The following CUL1 variants were observed in gnomAD, a reference collection of about 807,000 sequenced individuals.
The protein encoded by CUL1 is cullin-1.
Under a neutral mutation model 118.0 loss-of-function variants are expected in CUL1, and 24 were observed. That is an observed-to-expected ratio of 0.20 (90% CI 0.15 to 0.29). The LOEUF (loss-of-function observed/expected upper bound fraction) is 0.29. CUL1 is among the 10% of genes least tolerant of loss of function. CUL1 has a pLI of 1.00. For synonymous variants in CUL1, 332 were observed against 340.4 expected (o/e 0.98, Z 0.27); for missense variants, 361 against 933.8 (o/e 0.39, Z 7.99).
At chr7:148,754,558 G>A (rs1214667957) in intron 3 of CUL1, among the ~76,000 whole-genome samples, 1 of 152,076 alleles carries the variant, frequency 6.6e-6, no homozygotes, top group African/African-American at 2.4e-5. Flanking sequence ...TTTTGGATTT[G>A]GTTGTTAGAA....
intron 2 of CUL1, among the ~76,000 whole-genome samples, chr7:148,730,959 G>A (rs1798744135): frequency 2.0e-5 from 3 of 152,050 alleles, no homozygotes; most frequent in African/African-American, 4.8e-5. Flanking sequence ...CCACAGACAC[G>A]TGCCACCACA....
At position 148,800,726 on chromosome 7, in the gene CUL1, C is replaced by G; in HGVS notation, c.*144C>G. ...GAGACCAAGACTCCCATCAGCTGGT[C>G]TCGGATTTACATCGGAACTGCTCAG... On this transcript the variant is annotated 3_prime_UTR_variant, in exon 22 of 22. Coordinates refer to ENST00000325222, the MANE Select transcript of CUL1 (RefSeq NM_003592.3). This position sits in a 1 kb window ranked among gnomAD's most constrained non-coding sequence, Gnocchi z 4.6. 1 of 634,434 alleles carries G rather than the reference C, an allele frequency of 1.6e-6. No individual in the cohort carries two copies. The highest frequency in any genetic ancestry group is 2.8e-6 in the Non-Finnish European group (1 of 357,218). 39.3% of individuals were successfully genotyped at this position (634,434 alleles called of 1,614,324 possible).
At chr7:148,784,108 G>T in intron 11 of CUL1, 31 bp downstream of exon 11, 1 of 1,529,694 alleles carries the variant, frequency 6.5e-7, no homozygotes, top group Non-Finnish European at 9.1e-7. Flanking sequence ...TTCTTAGTAT[G>T]CCTGTTTAAA....
chr7:148,759,243 T>G, intron 4 of CUL1, 61 bp from the exon 5 acceptor site: 1 of 1,476,178 alleles, frequency 6.8e-7, no homozygotes, highest in Non-Finnish European at 9.4e-7. Flanking sequence ...TTATTTCCTA[T>G]GACTTCAATC....
chr7:148,747,006 G>C (rs966855228), intron 2 of CUL1, among the ~76,000 whole-genome samples: 5 of 152,192 alleles, frequency 3.3e-5, no homozygotes, highest in African/African-American at 1.2e-4. Flanking sequence ...GTGATAGTTT[G>C]CTAGCTAAGT....
chr7:148,711,423 C>T (rs970254250), intron 1 of CUL1, among the ~76,000 whole-genome samples: 1 of 152,180 alleles, frequency 6.6e-6, no homozygotes, highest in African/African-American at 2.4e-5. Flanking sequence ...CCACGGGGGA[C>T]ATGTGTCAGG....
At chr7:148,760,263 C>T (rs1372161406) in intron 6 of CUL1, 70 bp from the exon 7 acceptor site, 4 of 1,311,998 alleles carry the variant, frequency 3.0e-6, no homozygotes, top group Non-Finnish European at 4.2e-6. Flanking sequence ...GAATGCTACA[C>T]CTAAGTATAT....
rs1169500925 is a variant in CUL1, at chr7:148,800,257, G to T, written c.2251-245G>T. Among the ~76,000 whole-genome samples, 1 of 152,214 alleles carries T rather than the reference G, an allele frequency of 6.6e-6. No individual in the cohort carries two copies. Among genetic ancestry groups the T allele is most frequent in the Non-Finnish European group, 1.5e-5 (1 of 68,030 alleles). On this transcript the variant is annotated intron_variant, in intron 21 of 21. Coordinates refer to ENST00000325222, the MANE Select transcript of CUL1 (RefSeq NM_003592.3). This position sits in a 1 kb window ranked among gnomAD's most constrained non-coding sequence, Gnocchi z 4.6. ...GGGGCTCCCGAAGCACCTGACTCCA[G>T]TTCCTAGGGCGGGTGCAGGAGGGAC...
chr7:148,745,793 T>C, intron 2 of CUL1, among the ~76,000 whole-genome samples: 1 of 152,322 alleles, frequency 6.6e-6, no homozygotes, highest in African/African-American at 2.4e-5. Context: ...GTTAAAGATG[T>C]TTCCCACTAT....
intron 17 of CUL1, 52 bp downstream of exon 17, chr7:148,792,870 C>A: frequency 7.6e-7 from 1 of 1,309,184 alleles, no homozygotes; most frequent in Non-Finnish European, 1.1e-6. Flanking sequence ...TCCTTGTTCT[C>A]GTGGATATTG....
intron 2 of CUL1, among the ~76,000 whole-genome samples, chr7:148,738,190 T>C (rs749583488): frequency 6.6e-5 from 10 of 152,194 alleles, no homozygotes; most frequent in Non-Finnish European, 1.0e-4. Context: ...TTGAGAATAC[T>C]GGCTCCGTCA....
intron 1 of CUL1, among the ~76,000 whole-genome samples, chr7:148,717,187 G>A (rs889512755): frequency 8.5e-5 from 13 of 152,096 alleles, no homozygotes; most frequent in African/African-American, 3.1e-4. Context: ...CTCCTGGGTA[G>A]CTGGGATTAC....
intron 2 of CUL1, among the ~76,000 whole-genome samples, chr7:148,735,270 C>A (rs1363762297): frequency 6.6e-6 from 1 of 152,218 alleles, no homozygotes; most frequent in Non-Finnish European, 1.5e-5. Context: ...ATCTGCTGAG[C>A]CCTTGGAGCC....
chr7:148,797,733 CTG>C (rs1801254566), intron 17 of CUL1, 77 bp from the exon 18 acceptor site: 1 of 888,536 alleles, frequency 1.1e-6, no homozygotes. Flanking sequence ...GGAAAATGGA[CTG>C]TGAGGTTGCC....
chr7:148,776,307 CTTTTTTTTTTTTT>C (rs746777462), intron 9 of CUL1, among the ~76,000 whole-genome samples: 9 of 40,690 alleles, frequency 2.2e-4, no homozygotes, highest in South Asian at 1.2e-3. Flanking sequence ...CATAACCAGG[CTTTTTTTTTTTTT>C]TTTTTTTTTT....
intron 19 of CUL1, 24 bp from the exon 20 acceptor site, chr7:148,798,548 C>A: frequency 1.3e-6 from 2 of 1,549,126 alleles, no homozygotes; most frequent in South Asian, 2.2e-5. Context: ...TAATAGTGAT[C>A]GGTTTCCTCA....
In CUL1 at chr7:148,790,675, G is replaced by A. The variant is rs1205004627; in HGVS notation, c.1806+234G>A. 1.1e-4 allele frequency among the ~76,000 whole-genome samples: 17 copies of A among 152,246 alleles called. No homozygotes were observed. In the East Asian group the frequency reaches 3.1e-3, roughly 28 times the overall value. ...CCTCAGTTTTCTCCTCCATTAATGG[G>A]AGTGTTAGTACTTTATAGTTGGGAA... On this transcript the variant is annotated intron_variant, in intron 16 of 21. Transcript: ENST00000325222.
chr7:148,789,904 C>A, intron 15 of CUL1, 78 bp downstream of exon 15: 1 of 1,314,868 alleles, frequency 7.6e-7, no homozygotes, highest in African/African-American at 1.4e-5. Context: ...TGGAAGGGGA[C>A]AGGCCTGCAG....
upstream of CUL1, chr7:148,698,843 G>T: frequency 6.4e-6 from 1 of 156,170 alleles, no homozygotes; most frequent in South Asian, 1.7e-4. Context: ...GCGGCGGGAG[G>T]AGGAGGGCCG....
Sources: gnomAD v4.1 joint callset for allele counts (sites outside exome capture counted in the v4.1 genomes callset) on GRCh38, gnomAD v4.1.1 for gene constraint, Gnocchi (gnomAD v3.1) non-coding constraint, MANE v1.5 for transcripts, NCBI Gene and HGNC (gene_info 2026-07-23, HGNC 2026-07-21) for gene names.